The following FLT1 variants were observed in gnomAD, a reference collection of about 807,000 sequenced individuals.
FLT1 encodes the protein vascular endothelial growth factor receptor 1.
A neutral mutation model predicts 156.3 loss-of-function variants in FLT1; 49 were observed. That is an observed-to-expected ratio of 0.31 (90% CI 0.25 to 0.40). FLT1 has a LOEUF of 0.40. FLT1 is among the 10% of genes least tolerant of loss of function. The pLI, the probability that FLT1 is intolerant of heterozygous loss-of-function variation, is 1.00. For missense variants in FLT1, 1,322 were observed against 1,637.2 expected (o/e 0.81, Z 3.32); for synonymous variants, 594 against 583.8 (o/e 1.02, Z -0.25).
intron 3 of FLT1, among the ~76,000 whole-genome samples, chr13:28,466,096 A>G (rs1196637404): frequency 6.6e-6 from 1 of 151,868 alleles, no homozygotes; most frequent in Non-Finnish European, 1.5e-5. Context: ...TAATCCCCTC[A>G]AGATTTGAAA....
intron 10 of FLT1, among the ~76,000 whole-genome samples, chr13:28,424,241 A>T (rs187460304): frequency 1.3e-5 from 2 of 150,732 alleles, no homozygotes; most frequent in East Asian, 3.9e-4. Context: ...ACCTGGCCCC[A>T]CTTTCCTTTT....
rs61731337 is a variant in FLT1 at position 28,334,056 on chromosome 13, C to T, written c.2562G>A (p.Thr854=). The stretch of plus-strand genomic sequence containing the variant: ...GCATTTTCACAGCCACAGTCCGGCA[C>T]GTAGGTGATTTCTTAATGCCAAATG... ...ASAFGIKKSP[T]CRTVAVKMLK... The change falls in exon 18 of 30, where the codon ACG becomes ACA. Residue 854 remains threonine (T), a synonymous_variant. Coordinates refer to ENST00000282397, the MANE Select transcript of FLT1 (RefSeq NM_002019.4). 417 of 1,613,166 alleles carry T rather than the reference C, an allele frequency of 2.6e-4. 3 individuals are homozygous for T. The African/African-American group carries it at 4.4e-3, about 17-fold the overall frequency.
chr13:28,389,257 C>T (rs1565998357), intron 13 of FLT1: 2 of 1,145,726 alleles, frequency 1.7e-6, no homozygotes, highest in Non-Finnish European at 2.1e-6. Flanking sequence ...GGCAGAAGTC[C>T]GACAGAGTCT....
chr13:28,481,476 CACACACAT>C lies in FLT1; in HGVS notation c.64+13296_64+13303del, dbSNP rs1373079403. On this transcript the variant is annotated intron_variant, in intron 1 of 29. Transcript: ENST00000282397. ...ACACACACACACACACACACACACA[CACACACAT>C]ACACGTACTTAGAAGGTGAACCAAT... 1.5e-3 allele frequency among the ~76,000 whole-genome samples: 228 copies of C among 151,884 alleles called. 1 individual carries two copies. In the East Asian group the frequency reaches 0.035, roughly 23 times the overall value.
intron 3 of FLT1, among the ~76,000 whole-genome samples, chr13:28,462,928 T>C (rs1879667409): frequency 6.6e-6 from 1 of 152,164 alleles, no homozygotes; most frequent in Non-Finnish European, 1.5e-5. Flanking sequence ...ACTGAGAATG[T>C]GAAGGGAAAA....
In FLT1 at chr13:28,307,214, C is replaced by A. The variant is rs374231378; in HGVS notation, c.3721-442G>T. Among the ~76,000 whole-genome samples the A allele has an allele frequency of 2.0e-5, 3 of 152,122 alleles. No individual in the cohort carries two copies. The East Asian group carries it at 5.8e-4, about 29-fold the overall frequency. The stretch of plus-strand genomic sequence containing the variant: ...TTTTTTTCTTGAACTCAATGGAATT[C>A]TCAGCCCCCAGCCCTTGGTCATGGT... On this transcript the variant is annotated intron_variant, in intron 28 of 29. Coordinates refer to ENST00000282397, the MANE Select transcript of FLT1 (RefSeq NM_002019.4).
chr13:28,397,132 A>G (rs1278767676), intron 11 of FLT1, 64 bp from the exon 12 acceptor site: 1 of 908,744 alleles, frequency 1.1e-6, no homozygotes, highest in Non-Finnish European at 1.8e-6. Context: ...ACCCCAAGCT[A>G]CTTCTGAGGT....
intron 17 of FLT1, among the ~76,000 whole-genome samples, 174 bp downstream of exon 17, chr13:28,338,994 T>C (rs1402590635): frequency 1.3e-5 from 2 of 152,226 alleles, no homozygotes; most frequent in African/African-American, 4.8e-5. Context: ...TGTACTGTTA[T>C]CTGAGCATTG....
At chr13:28,342,066 A>G (rs1048652385) in intron 16 of FLT1, among the ~76,000 whole-genome samples, 1 of 152,200 alleles carries the variant, frequency 6.6e-6, no homozygotes, top group East Asian at 1.9e-4. Context: ...TATTCTTAGT[A>G]GAGACAGGGT....
chr13:28,476,282 C>T (rs17086738), intron 1 of FLT1, among the ~76,000 whole-genome samples: 4,048 of 152,250 alleles, frequency 0.027, 173 homozygotes, highest in African/African-American at 0.092. Context: ...AGCTTAGGCT[C>T]AGGGAAAGCT....
chr13:28,340,214 T>TAA (rs58243230), intron 16 of FLT1, among the ~76,000 whole-genome samples: 8 of 134,948 alleles, frequency 5.9e-5, no homozygotes, highest in Admixed American at 3.7e-4. Context: ...GACTCTGTCT[T>TAA]AAAAAAAAAA....
chr13:28,373,841 A>G (rs572733489), intron 14 of FLT1, among the ~76,000 whole-genome samples: 9 of 152,128 alleles, frequency 5.9e-5, no homozygotes, highest in Admixed American at 5.9e-4. Flanking sequence ...TACCACCCCC[A>G]CTAACCCCTC....
chr13:28,349,199 T>C (rs1437024628), intron 15 of FLT1, among the ~76,000 whole-genome samples: 1 of 152,098 alleles, frequency 6.6e-6, no homozygotes, highest in African/African-American at 2.4e-5. Context: ...ATCCTGAAAA[T>C]AGTGGTCAAA....
At position 28,396,007 on chromosome 13, in the gene FLT1, C is replaced by T. The variant is rs572930222; in HGVS notation, c.1660+953G>A. 6.6e-5 allele frequency among the ~76,000 whole-genome samples: 10 copies of T among 152,270 alleles called. No individual in the cohort carries two copies. In the East Asian group the frequency reaches 1.7e-3, roughly 26 times the overall value. Reference sequence around the variant, plus strand: ...GTGCAAACCTTTGTATTTAATTAGTCCAAATCCCATTTGCTCATCTGGAAA... The same window carrying T: ...GTGCAAACCTTTGTATTTAATTAGTTCAAATCCCATTTGCTCATCTGGAAA... On this transcript the variant is annotated intron_variant, in intron 12 of 29. Transcript: ENST00000282397.
In FLT1 at chr13:28,412,331, TTTCTTTCTTTCTTTCTTTC is replaced by T. The variant is rs1566012820; in HGVS notation, c.1437-6456_1437-6438del. On this transcript the variant is annotated intron_variant, in intron 10 of 29. Transcript: ENST00000282397. The stretch of plus-strand genomic sequence containing the variant: ...TCTCTTTCTTTCTTTCTTTCTTTCT[TTTCTTTCTTTCTTTCTTTC>T]TCTTTCTTTCTTTCTTTCTTTCTTT... Among the ~76,000 whole-genome samples, 177 of 51,192 alleles carry T rather than the reference TTTCTTTCTTTCTTTCTTTC, an allele frequency of 3.5e-3. 5 individuals are homozygous for T. The highest frequency in any genetic ancestry group is 9.0e-3 in the East Asian group (17 of 1,896). 33.6% of individuals were successfully genotyped at this position (51,192 alleles called of 152,430 possible).
intron 11 of FLT1, among the ~76,000 whole-genome samples, chr13:28,400,844 T>C (rs1346487266): frequency 6.6e-6 from 1 of 152,222 alleles, no homozygotes; most frequent in Non-Finnish European, 1.5e-5. Context: ...CTACTTGTAT[T>C]AGTGCTATAA....
chr13:28,354,913 G>A (rs988298154), intron 15 of FLT1, among the ~76,000 whole-genome samples: 1 of 152,012 alleles, frequency 6.6e-6, no homozygotes, highest in African/African-American at 2.4e-5. Context: ...AAATGATATG[G>A]CTAACAGAAA....
intron 10 of FLT1, among the ~76,000 whole-genome samples, chr13:28,408,886 A>G (rs1875972060): frequency 6.6e-6 from 1 of 151,264 alleles, no homozygotes; most frequent in African/African-American, 2.4e-5. Flanking sequence ...AGGTATTTAT[A>G]ACCCCTGAAA....
chr13:28,427,464 G>T, intron 9 of FLT1, 146 bp from the exon 10 acceptor site: 3 of 819,580 alleles, frequency 3.7e-6, no homozygotes, highest in African/African-American at 1.7e-5. Flanking sequence ...CCTCCTATTT[G>T]TCAAGAAAAT....
Sources: allele counts gnomAD v4.1 joint callset (sites outside exome capture counted in the v4.1 genomes callset), GRCh38; gene constraint gnomAD v4.1.1; transcripts MANE v1.5; gene names NCBI Gene and HGNC (gene_info 2026-07-23, HGNC 2026-07-21).